KCNC2: variants seen among roughly 807,000 people sequenced by gnomAD.
KCNC2 encodes potassium voltage-gated channel subfamily C member 2.
A neutral mutation model predicts 44.5 loss-of-function variants in KCNC2; 21 were observed. The ratio of observed to expected loss-of-function variants is 0.47; its 90% CI spans 0.33 to 0.68. The LOEUF is 0.68. Among genes scored for constraint, KCNC2 ranks in the 30% least tolerant of loss-of-function variants. The pLI is 0.01. For synonymous variants in KCNC2, 391 were observed against 339.1 expected (o/e 1.15, Z -1.68); for missense variants, 589 against 826.2 (o/e 0.71, Z 3.52).
At chr12:75,125,368 G>A (rs1888343360) in intron 2 of KCNC2, among the ~76,000 whole-genome samples, 1 of 152,064 alleles carries the variant, frequency 6.6e-6, no homozygotes, top group African/African-American at 2.4e-5. Context: ...TAGACAAACC[G>A]CTTTTGACTT....
At chr12:75,107,834 G>A (rs1886913687) in intron 2 of KCNC2, among the ~76,000 whole-genome samples, 2 of 152,106 alleles carry the variant, frequency 1.3e-5, no homozygotes, top group African/African-American at 4.8e-5. Flanking sequence ...TTTACCTGAT[G>A]CATATGAAAA....
At chr12:75,094,178 T>G (rs138986593) in intron 2 of KCNC2, among the ~76,000 whole-genome samples, 429 of 151,820 alleles carry the variant, frequency 2.8e-3, no homozygotes, top group Non-Finnish European at 4.4e-3. Context: ...GATTCTCTTT[T>G]AAAGTTGCCT....
chr12:75,047,878 A>C (rs1235007949), intron 4 of KCNC2, among the ~76,000 whole-genome samples: 2 of 152,102 alleles, frequency 1.3e-5, no homozygotes, highest in African/African-American at 2.4e-5. Context: ...TAAGTGATTT[A>C]ATATTTACAT....
intron 2 of KCNC2, among the ~76,000 whole-genome samples, chr12:75,191,489 A>G (rs1375332670): frequency 4.6e-5 from 6 of 130,966 alleles, no homozygotes; most frequent in Non-Finnish European, 9.8e-5. Context: ...TCATTCTAAT[A>G]CTTTGTTCTG....
chr12:75,064,945 G>T (rs1344778292), intron 2 of KCNC2, among the ~76,000 whole-genome samples: 1 of 151,808 alleles, frequency 6.6e-6, no homozygotes, highest in Non-Finnish European at 1.5e-5. Flanking sequence ...TACTACATAT[G>T]TGTGTGTGTA....
At chr12:75,117,013 T>G (rs1267387751) in intron 2 of KCNC2, among the ~76,000 whole-genome samples, 1 of 152,156 alleles carries the variant, frequency 6.6e-6, no homozygotes, top group East Asian at 1.9e-4. Flanking sequence ...CAACACATTT[T>G]TTTTCTTCTG....
At chr12:75,046,423 A>G (rs1200702331) in intron 4 of KCNC2, among the ~76,000 whole-genome samples, 1 of 151,892 alleles carries the variant, frequency 6.6e-6, no homozygotes. Flanking sequence ...ATTGTCTAAC[A>G]TAGAAGAAAA....
intron 2 of KCNC2, among the ~76,000 whole-genome samples, chr12:75,108,410 T>C (rs1886959876): frequency 6.6e-6 from 1 of 152,228 alleles, no homozygotes; most frequent in African/African-American, 2.4e-5. Flanking sequence ...TGTTATGATG[T>C]TATGATTAGC....
intron 2 of KCNC2, among the ~76,000 whole-genome samples, chr12:75,086,418 A>G (rs1376491546): frequency 6.6e-6 from 1 of 152,010 alleles, no homozygotes; most frequent in African/African-American, 2.4e-5. Context: ...AACTAAGATA[A>G]AAAATAAAAT....
At position 75,141,230 on chromosome 12, in the gene KCNC2, T is replaced by C. The variant is rs1592955319; in HGVS notation, c.687+66067A>G. 2.0e-5 allele frequency among the ~76,000 whole-genome samples: 3 copies of C among 152,304 alleles called. No individual in the cohort carries two copies. The South Asian group carries it at 6.2e-4, about 32-fold the overall frequency. On this transcript the variant is annotated intron_variant, in intron 2 of 4. Transcript: ENST00000549446. ...CCTTCAACCACTTTCACTGCACTCT[T>C]CTAAATTCTCTCAACAATGTCAATA...
intron 2 of KCNC2, among the ~76,000 whole-genome samples, chr12:75,052,114 TA>T (rs1258113904): frequency 1.3e-5 from 2 of 151,802 alleles, no homozygotes; most frequent in African/African-American, 4.8e-5. Context: ...CACAGAATAA[TA>T]AAAAAAGCAC....
At chr12:75,155,223 G>A (rs1890676492) in intron 2 of KCNC2, among the ~76,000 whole-genome samples, 1 of 151,868 alleles carries the variant, frequency 6.6e-6, no homozygotes, top group South Asian at 2.1e-4. Context: ...AATTGGATTA[G>A]GGCCTGATTT....
At chr12:75,208,588 T>A (rs2031901803) in intron 1 of KCNC2, among the ~76,000 whole-genome samples, 1 of 74,656 alleles carries the variant, frequency 1.3e-5, no homozygotes. Context: ...CCCCCCACCC[T>A]GTGAAGAGCC....
At chr12:75,084,738 A>G (rs1032778185) in intron 2 of KCNC2, among the ~76,000 whole-genome samples, 4 of 151,954 alleles carry the variant, frequency 2.6e-5, no homozygotes, top group Admixed American at 2.0e-4. Flanking sequence ...GTTGTGAAAG[A>G]CTGAAGTAAT....
chr12:75,091,731 A>ACCTACAAAT (rs1475089969), intron 2 of KCNC2, among the ~76,000 whole-genome samples: 1 of 151,590 alleles, frequency 6.6e-6, no homozygotes, highest in African/African-American at 2.4e-5. Flanking sequence ...CTCAAAAATA[A>ACCTACAAAT]CCTACAAATG....
At chr12:75,061,770 T>C (rs983538741) in intron 2 of KCNC2, among the ~76,000 whole-genome samples, 1 of 152,082 alleles carries the variant, frequency 6.6e-6, no homozygotes, top group Non-Finnish European at 1.5e-5. Context: ...AGACTTTTCT[T>C]ACTCTTAACC....
chr12:75,172,142 T>C (rs1202170948), intron 2 of KCNC2, among the ~76,000 whole-genome samples: 3 of 151,820 alleles, frequency 2.0e-5, no homozygotes, highest in Non-Finnish European at 4.4e-5. Context: ...CATACATAAT[T>C]TGTGGTACTC....
chr12:75,121,555 G>A (rs537087215), intron 2 of KCNC2, among the ~76,000 whole-genome samples: 2 of 152,282 alleles, frequency 1.3e-5, no homozygotes, highest in South Asian at 4.1e-4. Flanking sequence ...TTTGTCACAG[G>A]ACCATAATCA....
chr12:75,186,535 T>C (rs557251501), intron 2 of KCNC2, among the ~76,000 whole-genome samples: 2 of 152,338 alleles, frequency 1.3e-5, no homozygotes, highest in East Asian at 3.9e-4. Flanking sequence ...GTTATTATTA[T>C]AAAATGTTCA....
Sources: allele counts gnomAD v4.1 joint callset (sites outside exome capture counted in the v4.1 genomes callset), GRCh38; gene constraint gnomAD v4.1.1; transcripts MANE v1.5; gene names NCBI Gene and HGNC (gene_info 2026-07-23, HGNC 2026-07-21).